EIF2AK2: variants seen among roughly 807,000 people sequenced by gnomAD.
The protein encoded by EIF2AK2 is interferon-induced, double-stranded RNA-activated protein kinase.
A neutral mutation model predicts 70.5 loss-of-function variants in EIF2AK2; 40 were observed. The observed-to-expected ratio is 0.57, with a 90% CI of 0.44 to 0.74. EIF2AK2 has a LOEUF of 0.74. EIF2AK2 is among the 30% of genes least tolerant of loss of function. EIF2AK2 has a pLI of 0.00. For missense variants in EIF2AK2, 555 were observed against 644.3 expected (o/e 0.86, Z 1.50); for synonymous variants, 198 against 220.9 (o/e 0.90, Z 0.92).
chr2:37,154,862 C>T (rs1396372988), intron 1 of EIF2AK2, among the ~76,000 whole-genome samples: 1 of 152,146 alleles, frequency 6.6e-6, no homozygotes, highest in African/African-American at 2.4e-5. Context: ...GCACCTGGGC[C>T]TGGTTTTCTT....
At chr2:37,147,287 A>G (rs1675580207) in intron 3 of EIF2AK2, among the ~76,000 whole-genome samples, 1 of 151,864 alleles carries the variant, frequency 6.6e-6, no homozygotes, top group African/African-American at 2.4e-5. Context: ...GCTTACATTT[A>G]TAAGGTCATA....
intron 14 of EIF2AK2, among the ~76,000 whole-genome samples, chr2:37,113,520 A>G (rs1352734218): frequency 4.0e-5 from 6 of 151,146 alleles, no homozygotes; most frequent in African/African-American, 1.5e-4. Context: ...AAAAAAAAAA[A>G]AGCTGCAGTA....
chr2:37,107,600 G>A (rs1458838223), intron 15 of EIF2AK2, 73 bp from the exon 16 acceptor site: 14 of 1,483,340 alleles, frequency 9.4e-6, no homozygotes, highest in South Asian at 2.4e-5. Flanking sequence ...AAAGGCTGAG[G>A]AATACCTGAA....
intron 4 of EIF2AK2, among the ~76,000 whole-genome samples, chr2:37,143,551 A>AT (rs1049361468): frequency 1.3e-5 from 2 of 152,016 alleles, no homozygotes; most frequent in Non-Finnish European, 2.9e-5. Flanking sequence ...ATATATGCAG[A>AT]TTTTTTTTCT....
rs745481985 is a variant in EIF2AK2 at position 37,146,930 on chromosome 2, C to A, written c.163G>T (p.Gly55Cys). ...GCTTCCTTCTTTGATCTACCTTCACCTTCTGGAAATTCTCTTCCATCTATT... is the reference window on the plus strand; with the variant it reads ...GCTTCCTTCTTTGATCTACCTTCACATTCTGGAAATTCTCTTCCATCTATT... ...VIIDGREFPE[G>C]EGRSKKEAKN... The change falls in exon 4 of 17, where the codon GGT (glycine) becomes TGT (cysteine). Residue 55 changes from glycine to cysteine, a missense_variant. By Grantham distance (159) the Gly-to-Cys change is radical. Coordinates refer to ENST00000233057, the MANE Select transcript of EIF2AK2 (RefSeq NM_001135651.3). 6.2e-7 allele frequency: 1 copy of A among 1,613,526 alleles called. No homozygotes were observed. Among genetic ancestry groups the A allele is most frequent in the Non-Finnish European group, 8.5e-7 (1 of 1,179,802 alleles).
intron 8 of EIF2AK2, 65 bp from the exon 9 acceptor site, chr2:37,137,082 T>G: frequency 7.0e-7 from 1 of 1,425,000 alleles, no homozygotes; most frequent in East Asian, 2.4e-5. Flanking sequence ...TTTCCCGTTT[T>G]CCTTCCTCCT....
chr2:37,110,943 G>A (rs1674121041), intron 14 of EIF2AK2, among the ~76,000 whole-genome samples: 1 of 152,314 alleles, frequency 6.6e-6, no homozygotes, highest in African/African-American at 2.4e-5. Context: ...ACAAAATGTG[G>A]TGTATACATA....
intron 13 of EIF2AK2, among the ~76,000 whole-genome samples, chr2:37,117,106 G>A (rs767958094): frequency 7.3e-5 from 11 of 151,352 alleles, no homozygotes; most frequent in Non-Finnish European, 1.5e-4. Context: ...CCAGATACTC[G>A]AGAGGCTGAC....
At chr2:37,149,235 G>T in intron 1 of EIF2AK2, 1 of 1,087,636 alleles carries the variant, frequency 9.2e-7, no homozygotes, top group South Asian at 1.3e-5. Context: ...CACTGTGACC[G>T]CAAGTCACAA....
chr2:37,145,936 T>C (rs1675522025), intron 4 of EIF2AK2, among the ~76,000 whole-genome samples: 1 of 151,746 alleles, frequency 6.6e-6, no homozygotes, highest in Non-Finnish European at 1.5e-5. Flanking sequence ...GTATTTTTAG[T>C]AGAGACAGGG....
chr2:37,126,965 CA>C (rs1674752867), intron 10 of EIF2AK2, among the ~76,000 whole-genome samples: 1 of 6,758 alleles, frequency 1.5e-4, no homozygotes, highest in African/African-American at 6.0e-4. Context: ...CTCAAAAAAA[CA>C]GAAAAAAAAA....
chr2:37,122,375 A>C, intron 12 of EIF2AK2, 131 bp downstream of exon 12: 3 of 1,020,340 alleles, frequency 2.9e-6, no homozygotes, highest in Non-Finnish European at 4.2e-6. Context: ...GAATGGAGAG[A>C]TAACAGTGTC....
At chr2:37,146,738 G>A in intron 4 of EIF2AK2, 115 bp downstream of exon 4, 1 of 1,323,690 alleles carries the variant, frequency 7.6e-7, no homozygotes, top group South Asian at 1.4e-5. Flanking sequence ...CCAAACTCTT[G>A]AATGTAAGGG....
chr2:37,112,157 A>T (rs1307174619), intron 14 of EIF2AK2, among the ~76,000 whole-genome samples: 2 of 151,966 alleles, frequency 1.3e-5, no homozygotes, highest in East Asian at 3.9e-4. Flanking sequence ...AGGTTCTGCC[A>T]TTGCTTTCTG....
chr2:37,153,458 G>A (rs1675817480), intron 1 of EIF2AK2, among the ~76,000 whole-genome samples: 1 of 149,658 alleles, frequency 6.7e-6, no homozygotes, highest in African/African-American at 2.5e-5. Context: ...TCCCACCTCA[G>A]CCTCCCGAGT....
intron 14 of EIF2AK2, among the ~76,000 whole-genome samples, chr2:37,110,073 T>C (rs1674093406): frequency 6.6e-6 from 1 of 151,618 alleles, no homozygotes; most frequent in Non-Finnish European, 1.5e-5. Context: ...CTCAACAAAA[T>C]GTTGCCTTTT....
chr2:37,156,094 A>G (rs757289021), intron 1 of EIF2AK2, among the ~76,000 whole-genome samples: 7 of 152,160 alleles, frequency 4.6e-5, no homozygotes, highest in Admixed American at 3.3e-4. Flanking sequence ...ATAAGCTGGC[A>G]TGGGAAGCAG....
At chr2:37,122,716 C>A in intron 11 of EIF2AK2, 52 bp from the exon 12 acceptor site, 1 of 1,607,910 alleles carries the variant, frequency 6.2e-7, no homozygotes, top group South Asian at 1.1e-5. Flanking sequence ...TCCCTCATAA[C>A]AACCACAAAA....
At position 37,114,214 on chromosome 2, in the gene EIF2AK2, T is replaced by A. The variant is rs144925562; in HGVS notation, c.1377+517A>T. 2.9e-4 allele frequency among the ~76,000 whole-genome samples: 44 copies of A among 152,206 alleles called. No individual in the cohort carries two copies. In the East Asian group the frequency reaches 8.5e-3, roughly 29 times the overall value. On this transcript the variant is annotated intron_variant, in intron 14 of 16. Transcript: ENST00000233057. ...ACTCAGGAGGCTGAGGTGGGAAGAT[T>A]GCTTGAGCCCAAGATTTTGAGGCTG... is the stretch of plus-strand genomic sequence containing the variant.
Sources: gnomAD v4.1 joint callset for allele counts (sites outside exome capture counted in the v4.1 genomes callset) on GRCh38, gnomAD v4.1.1 for gene constraint, MANE v1.5 for transcripts, NCBI Gene and HGNC (gene_info 2026-07-23, HGNC 2026-07-21) for gene names.